PKNOX2: variants seen among roughly 807,000 people sequenced by gnomAD.
PKNOX2 encodes PBX/knotted 1 homeobox 2.
In PKNOX2, 14 loss-of-function variants were observed where a neutral mutation model predicts 53.1. The observed-to-expected ratio is 0.26, with a 90% CI of 0.17 to 0.41. The LOEUF is 0.41. Among genes scored for constraint, PKNOX2 ranks in the 10% least tolerant of loss-of-function variants. The pLI, the probability that PKNOX2 is intolerant of heterozygous loss-of-function variation, is 1.00. For missense variants in PKNOX2, 496 were observed against 602.8 expected (o/e 0.82, Z 1.85); for synonymous variants, 257 against 242.8 (o/e 1.06, Z -0.54).
At chr11:125,351,499 G>A (rs1032232049) in intron 4 of PKNOX2, 107 bp downstream of exon 4, 42 of 722,036 alleles carry the variant, frequency 5.8e-5, no homozygotes, top group Non-Finnish European at 9.4e-5. Flanking sequence ...GCAGAGCCAG[G>A]CCTCCCGCAA....
At chr11:125,374,275 C>T (rs900990403) in intron 5 of PKNOX2, among the ~76,000 whole-genome samples, 2 of 151,984 alleles carry the variant, frequency 1.3e-5, no homozygotes, top group Admixed American at 6.5e-5. Context: ...AAGTTAGGAC[C>T]GGATGCTTCG....
intron 2 of PKNOX2, among the ~76,000 whole-genome samples, chr11:125,267,258 TG>T (rs1945429146): frequency 1.3e-5 from 2 of 152,204 alleles, no homozygotes; most frequent in South Asian, 4.1e-4. Flanking sequence ...TGTGCTCATG[TG>T]TGTGTTCCCG....
chr11:125,324,783 C>T (rs1404653549), intron 2 of PKNOX2, among the ~76,000 whole-genome samples: 1 of 152,148 alleles, frequency 6.6e-6, no homozygotes, highest in Non-Finnish European at 1.5e-5. Context: ...ATGCACTTAC[C>T]TTCACCTGCT....
intron 2 of PKNOX2, among the ~76,000 whole-genome samples, chr11:125,268,807 A>G (rs1427834676): frequency 6.6e-6 from 1 of 152,136 alleles, no homozygotes; most frequent in Admixed American, 6.5e-5. Context: ...AGTTGGCTGC[A>G]TCATCTCTGA....
In PKNOX2 at chr11:125,312,839, G is replaced by A. The variant is rs185192139; in HGVS notation, c.-129-18980G>A. ...CAGGATGATCAGACAAGGTTTCCGA[G>A]GGAAGATACCCTGAGTTGAGCCTTA... On this transcript the variant is annotated intron_variant, in intron 2 of 12. Transcript: ENST00000298282. Among the ~76,000 whole-genome samples the A allele has an allele frequency of 2.6e-4, 40 of 152,328 alleles. No homozygotes were observed. The East Asian group carries it at 7.1e-3, about 27-fold the overall frequency.
chr11:125,244,980 C>T (rs575365244), intron 2 of PKNOX2, among the ~76,000 whole-genome samples: 6 of 152,128 alleles, frequency 3.9e-5, no homozygotes, highest in South Asian at 2.1e-4. Context: ...TAATTAATGC[C>T]GCCACTCCCC....
intron 2 of PKNOX2, among the ~76,000 whole-genome samples, chr11:125,313,552 A>G (rs1763914487): frequency 6.6e-6 from 1 of 152,072 alleles, no homozygotes; most frequent in African/African-American, 2.4e-5. Flanking sequence ...CCTTGGTTTC[A>G]TTTTGCACTT....
chr11:125,260,407 C>T (rs543368445), intron 2 of PKNOX2, among the ~76,000 whole-genome samples: 6 of 151,844 alleles, frequency 4.0e-5, no homozygotes, highest in African/African-American at 1.4e-4. Context: ...CCATGTTGTC[C>T]AGGATGGTCT....
intron 3 of PKNOX2, among the ~76,000 whole-genome samples, chr11:125,336,768 ATACAC>A (rs1950453015): frequency 1.4e-5 from 2 of 147,164 alleles, no homozygotes; most frequent in African/African-American, 2.5e-5. Flanking sequence ...ATATAATACT[ATACAC>A]TATATTATAT....
chr11:125,431,694 A>T lies in PKNOX2; in HGVS notation c.*302A>T. Reference sequence around the variant, plus strand: ...GGACTCACCAAATCCCTGAGGATAGATGGCACCCATGGCCCCCACCCACGG... The same window carrying T: ...GGACTCACCAAATCCCTGAGGATAGTTGGCACCCATGGCCCCCACCCACGG... On this transcript the variant is annotated 3_prime_UTR_variant, in exon 13 of 13. Transcript: ENST00000298282. The T allele has an allele frequency of 2.6e-6, 1 of 380,662 alleles. No individual in the cohort carries two copies. Among genetic ancestry groups the T allele is most frequent in the Non-Finnish European group, 4.8e-6 (1 of 206,406 alleles). 23.6% of individuals were successfully genotyped at this position (380,662 alleles called of 1,614,324 possible).
intron 2 of PKNOX2, among the ~76,000 whole-genome samples, chr11:125,314,901 AAG>A (rs1411633046): frequency 1.3e-5 from 2 of 152,200 alleles, no homozygotes; most frequent in Non-Finnish European, 2.9e-5. Flanking sequence ...TGGGTCAGGA[AAG>A]AGAGTTGGGG....
At chr11:125,186,893 G>A (rs1251302755) in intron 1 of PKNOX2, among the ~76,000 whole-genome samples, 1 of 152,142 alleles carries the variant, frequency 6.6e-6, no homozygotes, top group Non-Finnish European at 1.5e-5. Context: ...TTTGCATGGG[G>A]TGTGAGGTAG....
intron 4 of PKNOX2, among the ~76,000 whole-genome samples, chr11:125,362,163 C>G (rs1203175786): frequency 6.6e-6 from 1 of 152,154 alleles, no homozygotes; most frequent in Non-Finnish European, 1.5e-5. Context: ...TTGGAGCCCC[C>G]CTACACCTCC....
At chr11:125,281,590 G>A in intron 2 of PKNOX2, among the ~76,000 whole-genome samples, 1 of 152,208 alleles carries the variant, frequency 6.6e-6, no homozygotes, top group East Asian at 1.9e-4. Context: ...TCTGAAGATT[G>A]AATGAAATGA....
chr11:125,408,780 G>A (rs1211683945), intron 7 of PKNOX2, among the ~76,000 whole-genome samples: 2 of 152,256 alleles, frequency 1.3e-5, no homozygotes, highest in East Asian at 3.9e-4. Context: ...TCCCTTCGTT[G>A]CTACAGGTAG....
At chr11:125,292,161 C>T (rs998060298) in intron 2 of PKNOX2, among the ~76,000 whole-genome samples, 1 of 152,168 alleles carries the variant, frequency 6.6e-6, no homozygotes, top group African/African-American at 2.4e-5. Context: ...CTCTCCAGTC[C>T]GCCTCCCCAG....
In PKNOX2 at chr11:125,183,401, A is replaced by G. The variant is rs1405832132; in HGVS notation, c.-201+18625A>G. ...CCGGCTAATTTTTTGTATTTTTAGT[A>G]GAGACGGGGTTTCACCTTGTTAGCC... is the stretch of plus-strand genomic sequence containing the variant. On this transcript the variant is annotated intron_variant, in intron 1 of 12. Coordinates refer to ENST00000298282, the MANE Select transcript of PKNOX2 (RefSeq NM_001382323.2). Among the ~76,000 whole-genome samples, 8 of 57,040 alleles carry G rather than the reference A, an allele frequency of 1.4e-4. 2 individuals carry two copies. The highest frequency in any genetic ancestry group is 3.5e-4 in the Non-Finnish European group (8 of 23,154). 37.4% of individuals were successfully genotyped at this position (57,040 alleles called of 152,430 possible).
chr11:125,182,566 A>G (rs1489306879), intron 1 of PKNOX2, among the ~76,000 whole-genome samples: 4 of 152,232 alleles, frequency 2.6e-5, no homozygotes, highest in Admixed American at 1.3e-4. Flanking sequence ...TCAATGGTCC[A>G]AGGCAAATAA....
At chr11:125,259,761 C>T (rs1168730485) in intron 2 of PKNOX2, among the ~76,000 whole-genome samples, 1 of 152,204 alleles carries the variant, frequency 6.6e-6, no homozygotes, top group Non-Finnish European at 1.5e-5. Context: ...TCTGCTATGG[C>T]TTCACACATT....
Sources: allele counts gnomAD v4.1 joint callset (sites outside exome capture counted in the v4.1 genomes callset), GRCh38; gene constraint gnomAD v4.1.1; transcripts MANE v1.5; gene names NCBI Gene and HGNC (gene_info 2026-07-23, HGNC 2026-07-21).